The following ITGAE variants were observed in gnomAD, a reference collection of about 807,000 sequenced individuals.
ITGAE encodes integrin alpha-E.
ITGAE carries 99 observed loss-of-function variants against 136.5 expected under a neutral mutation model. The observed-to-expected ratio is 0.73, with a 90% confidence interval of 0.62 to 0.86. The LOEUF (loss-of-function observed/expected upper bound fraction) is 0.86, where lower values mean the gene tolerates loss of function less well. Among genes scored for constraint, ITGAE ranks in the 40% least tolerant of loss-of-function variants. The pLI, the probability that ITGAE is intolerant of heterozygous loss-of-function variation, is 0.00. For missense variants in ITGAE, 1,447 were observed against 1,515.3 expected (o/e 0.95, Z 0.75); for synonymous variants, 613 against 591.8 (o/e 1.04, Z -0.52).
intron 1 of ITGAE, among the ~76,000 whole-genome samples, chr17:3,800,311 C>T (rs929933487): frequency 1.3e-5 from 2 of 152,096 alleles, no homozygotes; most frequent in Non-Finnish European, 2.9e-5. Flanking sequence ...AGCCTTTCAT[C>T]CACATAAGCT....
At chr17:3,723,586 A>C in intron 27 of ITGAE, 102 bp downstream of exon 27, 1 of 1,261,594 alleles carries the variant, frequency 7.9e-7, no homozygotes, top group East Asian at 2.5e-5. Context: ...AGCCCCCGGC[A>C]CTGGCCGGCA....
At chr17:3,723,253 G>T in intron 28 of ITGAE, 35 bp downstream of exon 28, 2 of 1,370,502 alleles carry the variant, frequency 1.5e-6, no homozygotes, top group Non-Finnish European at 2.1e-6. Flanking sequence ...TGAGCAACTG[G>T]ATAATCAAAT....
intron 2 of ITGAE, among the ~76,000 whole-genome samples, chr17:3,775,867 G>C (rs1361188529): frequency 6.6e-6 from 1 of 151,850 alleles, no homozygotes; most frequent in African/African-American, 2.4e-5. Flanking sequence ...TACCAGATAC[G>C]GCAAAATTGC....
intron 1 of ITGAE, among the ~76,000 whole-genome samples, chr17:3,787,035 C>A (rs1002072484): frequency 5.3e-5 from 8 of 151,696 alleles, no homozygotes; most frequent in Admixed American, 4.6e-4. Context: ...ATGATAGATG[C>A]AGAAAATGGC....
chr17:3,777,533 T>G lies in ITGAE; in HGVS notation c.155+7A>C. The G allele has an allele frequency of 6.2e-7, 1 of 1,607,216 alleles. No individual in the cohort carries two copies. On this transcript the variant is annotated splice_region_variant and intron_variant, in intron 2 of 30. Coordinates refer to ENST00000263087, the MANE Select transcript of ITGAE (RefSeq NM_002208.5). The stretch of plus-strand genomic sequence containing the variant: ...CTGAAGGCCTCTTGCCCACCGGCCC[T>G]ACTCACCAGGTCTGGTTGGTGCTGG...
chr17:3,751,694 T>C lies in ITGAE; in HGVS notation c.1849A>G (p.Ile617Val), dbSNP rs774620960. ...DDGASFGSVY[I>V]YNGHWDGLSA... is the part of the protein sequence containing the mutation. Reference sequence around the variant, plus strand: ...AGGCCGTCCCAGTGTCCATTGTAGATATACACACTGCCGAAGCTGGCACCA... The same window carrying C: ...AGGCCGTCCCAGTGTCCATTGTAGACATACACACTGCCGAAGCTGGCACCA... The change falls in exon 15 of 31, where the codon ATC becomes GTC. Residue 617 changes from isoleucine (I) to valine (V), a missense_variant. Around this residue, in one of 3 missense-constraint regions of ITGAE, gnomAD observed 1,031 missense variants for 1,011.4 expected, o/e 1.02. Coordinates refer to ENST00000263087, the MANE Select transcript of ITGAE (RefSeq NM_002208.5). 10 of 1,613,800 alleles carry C rather than the reference T, an allele frequency of 6.2e-6. No homozygotes were observed. The East Asian group carries it at 1.1e-4, about 18-fold the overall frequency.
At chr17:3,743,682 G>GAT (rs2051640511) in intron 18 of ITGAE, 65 bp from the exon 19 acceptor site, 9 of 938,666 alleles carry the variant, frequency 9.6e-6, no homozygotes, top group Non-Finnish European at 1.4e-5. Flanking sequence ...CAACAATAAT[G>GAT]CTTTTTTTCT....
Position 3,761,935 on chromosome 17 carries a change from G to A in ITGAE, c.295C>T (p.Arg99Trp), listed in dbSNP as rs570111937. 78 of 1,613,822 alleles carry A rather than the reference G, an allele frequency of 4.8e-5. No homozygotes were observed. The South Asian group carries it at 5.4e-4, about 11-fold the overall frequency. The stretch of plus-strand genomic sequence containing the variant: ...CTCACCAAAACACCGTGGTGGCTCC[G>A]GACAACGGTCACTCCCCGGTGCCTC... ...KGRHRGVTVVRSHHGVLICIQ... is the reference protein window; with the variant it reads ...KGRHRGVTVVWSHHGVLICIQ... Residue 99 changes from arginine to tryptophan, a missense_variant, in exon 4 of 31, where the codon CGG becomes TGG. By Grantham distance (101) the Arg-to-Trp change is moderately radical. Coordinates refer to ENST00000263087, the MANE Select transcript of ITGAE (RefSeq NM_002208.5).
intron 1 of ITGAE, among the ~76,000 whole-genome samples, chr17:3,785,476 A>G (rs1018403657): frequency 1.8e-4 from 25 of 139,670 alleles, no homozygotes; most frequent in African/African-American, 6.9e-4. Context: ...AAGAAGAAAG[A>G]AAGGAAGGAA....
Position 3,714,949 on chromosome 17 carries a change from CAAAG to C in ITGAE, c.3445-11_3445-8del, listed in dbSNP as rs1298023374. ...TTCTTTTAAAAAAGCCACACTGAAA[CAAAG>C]GAAGGAAAAGTCCAGTTACAGGCCA... is the stretch of plus-strand genomic sequence containing the variant. On this transcript the variant is annotated splice_polypyrimidine_tract_variant and splice_region_variant and intron_variant, in intron 30 of 30. Transcript: ENST00000263087. 39 of 1,569,006 alleles carry C rather than the reference CAAAG, an allele frequency of 2.5e-5. No individual in the cohort carries two copies. The highest frequency in any genetic ancestry group is 3.4e-5 in the Non-Finnish European group (39 of 1,147,182).
intron 19 of ITGAE, 97 bp downstream of exon 19, chr17:3,743,392 G>T (rs1292403866): frequency 7.2e-7 from 1 of 1,381,430 alleles, no homozygotes; most frequent in Non-Finnish European, 9.7e-7. Context: ...TGAAGACATT[G>T]CCTCCCAACT....
chr17:3,728,793 A>G (rs1366631445), intron 24 of ITGAE, among the ~76,000 whole-genome samples: 2 of 151,138 alleles, frequency 1.3e-5, no homozygotes, highest in East Asian at 4.0e-4. Context: ...GCACTTTGGG[A>G]GGCCGAGGCA....
intron 26 of ITGAE, chr17:3,724,865 G>C: frequency 6.2e-7 from 1 of 1,613,964 alleles, no homozygotes; most frequent in South Asian, 1.1e-5. Flanking sequence ...AGGCCGTCCG[G>C]AGAGAGCATC....
At chr17:3,724,457 G>A (rs1404824942) in intron 26 of ITGAE, 2 of 1,613,720 alleles carry the variant, frequency 1.2e-6, no homozygotes. Context: ...CTCTGGCCTC[G>A]CCCTGCCCCG....
chr17:3,744,367 C>A (rs572727875), intron 18 of ITGAE, among the ~76,000 whole-genome samples: 1 of 151,948 alleles, frequency 6.6e-6, no homozygotes, highest in Admixed American at 6.6e-5. Flanking sequence ...GGTTCTTATC[C>A]CAGTCACAAA....
chr17:3,785,468 GAAGA>G (rs1191835446), intron 1 of ITGAE, among the ~76,000 whole-genome samples: 1 of 145,292 alleles, frequency 6.9e-6, no homozygotes, highest in African/African-American at 2.6e-5. Flanking sequence ...ACTTGGGAAA[GAAGA>G]AAGAAAGGAA....
intron 22 of ITGAE, 150 bp from the exon 23 acceptor site, chr17:3,731,333 T>G: frequency 2.1e-6 from 1 of 467,234 alleles, no homozygotes; most frequent in Admixed American, 4.0e-5. Context: ...TCCTTTCCCT[T>G]CCTTTTTTTT....
In ITGAE at chr17:3,747,995, G is replaced by A; in HGVS notation, c.2082C>T (p.Pro694=). 6.2e-7 allele frequency: 1 copy of A among 1,613,442 alleles called. No homozygotes were observed. The highest frequency in any genetic ancestry group is 8.5e-7 in the Non-Finnish European group (1 of 1,179,574). Residue 694 remains proline (P), a synonymous_variant, in exon 17 of 31, where the codon CCC becomes CCT. Transcript: ENST00000263087. ...VSMAFTPSAL[P]IGFNGVVNVR... ...CATTCACGACGCCGTTGAAGCCGAT[G>A]GGCAGTGCGCTGGGGGTGAAGGCCA...
At chr17:3,748,944 G>A (rs544919222) in intron 16 of ITGAE, among the ~76,000 whole-genome samples, 1 of 152,306 alleles carries the variant, frequency 6.6e-6, no homozygotes, top group East Asian at 1.9e-4. Flanking sequence ...AGGAGCCGTG[G>A]AGGAGTTTCA....
Sources: allele counts gnomAD v4.1 joint callset (sites outside exome capture counted in the v4.1 genomes callset), GRCh38; gene constraint gnomAD v4.1.1; regional missense constraint gnomAD v4.1.1; transcripts MANE v1.5; gene names NCBI Gene and HGNC (gene_info 2026-07-23, HGNC 2026-07-21).